The following SLC26A5 variants were observed in gnomAD, a reference collection of about 807,000 sequenced individuals.
SLC26A5 encodes the protein solute carrier family 26 member 5.
Under a neutral mutation model 81.0 loss-of-function variants are expected in SLC26A5, and 51 were observed. That is an observed-to-expected ratio of 0.63 (90% confidence interval 0.50 to 0.80). The LOEUF is 0.80. Ranked by LOEUF, SLC26A5 falls within the 30% of genes least tolerant of loss-of-function variation. SLC26A5 has a pLI of 0.00. For missense variants in SLC26A5, 771 were observed against 905.8 expected, an observed-to-expected ratio of 0.85 and a Z score of 1.91; for synonymous variants, 325 against 332.8, an observed-to-expected ratio of 0.98 and a Z score of 0.25.
intron 2 of SLC26A5, among the ~76,000 whole-genome samples, chr7:103,424,124 C>T (rs1465927018): frequency 6.6e-6 from 1 of 152,088 alleles, no homozygotes; most frequent in African/African-American, 2.4e-5. Flanking sequence ...CTGTGCCCAT[C>T]CAGAGTTTCA....
At chr7:103,403,196 T>C (rs1200434998) in intron 8 of SLC26A5, among the ~76,000 whole-genome samples, 1 of 152,236 alleles carries the variant, frequency 6.6e-6, no homozygotes, top group African/African-American at 2.4e-5. Context: ...AGTGAGTTTC[T>C]TGATCGTGAG....
intron 5 of SLC26A5, among the ~76,000 whole-genome samples, chr7:103,411,913 G>A (rs897036469): frequency 6.6e-6 from 1 of 152,200 alleles, no homozygotes; most frequent in Non-Finnish European, 1.5e-5. Flanking sequence ...GAATGCAGCA[G>A]AAGTGACGTT....
At chr7:103,399,036 A>G (rs929846718) in intron 8 of SLC26A5, among the ~76,000 whole-genome samples, 1 of 152,190 alleles carries the variant, frequency 6.6e-6, no homozygotes, top group Non-Finnish European at 1.5e-5. Flanking sequence ...AGTAATTTAA[A>G]CCATTGTTTT....
At chr7:103,383,557 C>T (rs559185846) in intron 14 of SLC26A5, among the ~76,000 whole-genome samples, 41 of 152,302 alleles carry the variant, frequency 2.7e-4, no homozygotes, top group Admixed American at 2.3e-3. Flanking sequence ...TTAATGAAAT[C>T]CCATGCAGTT....
At chr7:103,439,514 T>C (rs892509938) in intron 2 of SLC26A5, among the ~76,000 whole-genome samples, 2 of 151,574 alleles carry the variant, frequency 1.3e-5, no homozygotes, top group Non-Finnish European at 2.9e-5. Context: ...TGGACTTCCT[T>C]GCTGTCTGTT....
At chr7:103,391,449 G>C (rs1822645124) in intron 11 of SLC26A5, among the ~76,000 whole-genome samples, 173 bp downstream of exon 11, 1 of 152,206 alleles carries the variant, frequency 6.6e-6, no homozygotes, top group Non-Finnish European at 1.5e-5. Context: ...TATAGATTCA[G>C]TTCCTTGTGA....
chr7:103,378,021 CT>C (rs1233283950), intron 17 of SLC26A5, among the ~76,000 whole-genome samples: 4 of 151,990 alleles, frequency 2.6e-5, no homozygotes, highest in South Asian at 2.1e-4. Context: ...CCTTCTCCTC[CT>C]TTTTTTTCTT....
Position 103,374,383 on chromosome 7 carries a change from A to G in SLC26A5, c.*16T>C, listed in dbSNP as rs752466063. The G allele has an allele frequency of 7.4e-6, 12 of 1,611,944 alleles. No individual in the cohort carries two copies. Among genetic ancestry groups the G allele is most frequent in the Non-Finnish European group, 1.0e-5 (12 of 1,179,926 alleles). On this transcript the variant is annotated 3_prime_UTR_variant, in exon 20 of 20. Coordinates refer to ENST00000306312, the MANE Select transcript of SLC26A5 (RefSeq NM_198999.3). ...CATGAGAGGCTTATAACCCCATCCT[A>G]GGGTGAGGTCCTCATCTATGCCTCA...
chr7:103,435,105 A>T (rs559212609), intron 2 of SLC26A5: 4 of 152,340 alleles, frequency 2.6e-5, no homozygotes, highest in Admixed American at 1.3e-4. Flanking sequence ...AATTTCCATT[A>T]TTAGCCTTCT....
At chr7:103,360,986 T>A (rs1820356606) in intron 19 of SLC26A5, among the ~76,000 whole-genome samples, 1 of 151,984 alleles carries the variant, frequency 6.6e-6, no homozygotes, top group Non-Finnish European at 1.5e-5. Flanking sequence ...TGCTGGCGCA[T>A]TCCTGTAATG....
intron 18 of SLC26A5, among the ~76,000 whole-genome samples, 170 bp downstream of exon 18, chr7:103,377,429 G>A (rs1329525057): frequency 2.0e-5 from 3 of 152,232 alleles, no homozygotes; most frequent in Non-Finnish European, 4.4e-5. Context: ...GATAGTTCAC[G>A]GGGGTTCAAT....
In SLC26A5 at chr7:103,410,563, A is replaced by G. The variant is rs1824407075; in HGVS notation, c.571-14T>C. 20 of 1,597,668 alleles carry G rather than the reference A, an allele frequency of 1.3e-5. No individual in the cohort carries two copies. Among genetic ancestry groups the G allele is most frequent in the Non-Finnish European group, 1.7e-5 (20 of 1,170,806 alleles). On this transcript the variant is annotated splice_polypyrimidine_tract_variant and intron_variant, in intron 6 of 19. Coordinates refer to ENST00000306312, the MANE Select transcript of SLC26A5 (RefSeq NM_198999.3). ...ACCTAGGCAAAACTATTTTTTTTTA[A>G]TGACAAAGAAACAAATGAATCACAT...
chr7:103,396,337 G>T (rs1286170753), intron 9 of SLC26A5, among the ~76,000 whole-genome samples: 1 of 152,060 alleles, frequency 6.6e-6, no homozygotes, highest in Non-Finnish European at 1.5e-5. Context: ...ATACCCAAAA[G>T]AACTGAAAGA....
Position 103,367,826 on chromosome 7 carries a change from T to G in SLC26A5, c.2041+8982A>C, listed in dbSNP as rs1820793562. Reference sequence around the variant, plus strand: ...ATAGCACTGGTAAGTAGAAAGTTCTTGCTTATATTTGCTGGTCTGTCTGCT... The same window carrying G: ...ATAGCACTGGTAAGTAGAAAGTTCTGGCTTATATTTGCTGGTCTGTCTGCT... On this transcript the variant is annotated intron_variant, in intron 19 of 19. Coordinates refer to the SLC26A5 transcript ENST00000339444. This position sits in a 1 kb window ranked among gnomAD's most constrained non-coding sequence, Gnocchi z 6.1. 1 of 1,611,802 alleles carries G rather than the reference T, an allele frequency of 6.2e-7. No individual in the cohort carries two copies. Among genetic ancestry groups the G allele is most frequent in the South Asian group, 1.1e-5 (1 of 90,660 alleles).
At chr7:103,402,067 G>A (rs1386911501) in intron 8 of SLC26A5, among the ~76,000 whole-genome samples, 3 of 152,168 alleles carry the variant, frequency 2.0e-5, no homozygotes, top group African/African-American at 4.8e-5. Flanking sequence ...GGATGATGCT[G>A]GCATCATAAA....
intron 2 of SLC26A5, among the ~76,000 whole-genome samples, chr7:103,422,902 A>C (rs1825457292): frequency 1.3e-5 from 2 of 152,076 alleles, no homozygotes; most frequent in African/African-American, 4.8e-5. Context: ...GAGGGCTACT[A>C]ATGTTGGTCA....
intron 2 of SLC26A5, among the ~76,000 whole-genome samples, chr7:103,426,811 C>T (rs931294858): frequency 2.6e-5 from 4 of 152,176 alleles, no homozygotes; most frequent in African/African-American, 9.6e-5. Flanking sequence ...ACTAGGAGAT[C>T]AAATAACCAG....
At chr7:103,403,275 G>A (rs528693838) in intron 8 of SLC26A5, among the ~76,000 whole-genome samples, 6 of 152,318 alleles carry the variant, frequency 3.9e-5, no homozygotes, top group African/African-American at 1.4e-4. Flanking sequence ...TATTTGCTAA[G>A]TGTTTTACTT....
chr7:103,413,285 C>T (rs530929725), intron 4 of SLC26A5, among the ~76,000 whole-genome samples, 173 bp from the exon 5 acceptor site: 11 of 152,174 alleles, frequency 7.2e-5, no homozygotes, highest in Non-Finnish European at 1.6e-4. Flanking sequence ...CTGATAGAGT[C>T]CAAGCTGAGA....
Sources: allele counts gnomAD v4.1 joint callset (sites outside exome capture counted in the v4.1 genomes callset), GRCh38; gene constraint gnomAD v4.1.1; non-coding constraint Gnocchi (gnomAD v3.1); transcripts MANE v1.5; gene names NCBI Gene and HGNC (gene_info 2026-07-23, HGNC 2026-07-21).